Variants in BMP2K observed in about 807,000 individuals in gnomAD.
BMP2K encodes the protein BMP2 inducible kinase.
A neutral mutation model predicts 116.0 loss-of-function variants in BMP2K; 74 were observed. The ratio of observed to expected loss-of-function variants is 0.64; its 90% CI spans 0.53 to 0.77. BMP2K has a LOEUF of 0.77. Among genes scored for constraint, BMP2K ranks in the 30% least tolerant of loss-of-function variants. The pLI is 0.00. For synonymous variants in BMP2K, 486 were observed against 502.5 expected (o/e 0.97, Z 0.44); for missense variants, 1,365 against 1,403.6 (o/e 0.97, Z 0.44).
intron 7 of BMP2K, 115 bp downstream of exon 7, chr4:78,851,171 C>A: frequency 4.5e-6 from 5 of 1,101,100 alleles, no homozygotes; most frequent in Middle Eastern, 3.1e-4. Context: ...TTTTGTGAAA[C>A]TATAGTAAAG....
intron 7 of BMP2K, among the ~76,000 whole-genome samples, chr4:78,853,878 C>T (rs1731375028): frequency 6.6e-6 from 1 of 152,114 alleles, no homozygotes; most frequent in Non-Finnish European, 1.5e-5. Flanking sequence ...AGTACTACAA[C>T]TACTCTTGAT....
At chr4:78,796,740 G>A (rs35741786) in intron 1 of BMP2K, among the ~76,000 whole-genome samples, 9,823 of 152,174 alleles carry the variant, frequency 0.065, 439 homozygotes, top group East Asian at 0.22. Flanking sequence ...GTTGTGTAAC[G>A]GATGATTGTG....
chr4:78,869,067 C>T (rs1434022770), intron 10 of BMP2K, among the ~76,000 whole-genome samples: 1 of 152,178 alleles, frequency 6.6e-6, no homozygotes, highest in Non-Finnish European at 1.5e-5. Flanking sequence ...TTCTGCACTG[C>T]CCTAGCAGAG....
chr4:78,820,286 G>A (rs1353051201), intron 1 of BMP2K, among the ~76,000 whole-genome samples: 1 of 152,208 alleles, frequency 6.6e-6, no homozygotes, highest in Non-Finnish European at 1.5e-5. Context: ...CTATAGGGCT[G>A]AAGCCATTCT....
At chr4:78,837,352 A>G (rs187002315) in intron 3 of BMP2K, among the ~76,000 whole-genome samples, 1 of 151,662 alleles carries the variant, frequency 6.6e-6, no homozygotes, top group East Asian at 2.0e-4. Context: ...GCACCACCAC[A>G]TCTGACTAAT....
intron 15 of BMP2K, among the ~76,000 whole-genome samples, chr4:78,887,794 G>T (rs1056683442): frequency 1.3e-5 from 2 of 152,082 alleles, no homozygotes; most frequent in South Asian, 4.1e-4. Flanking sequence ...GTTAACACTT[G>T]GAAGATACTA....
At chr4:78,894,662 C>T (rs1214964289) in intron 15 of BMP2K, among the ~76,000 whole-genome samples, 2 of 152,162 alleles carry the variant, frequency 1.3e-5, no homozygotes, top group African/African-American at 4.8e-5. Context: ...CCTTTCTTAC[C>T]GTTCATCACT....
chr4:78,886,882 A>T (rs1264048365), intron 14 of BMP2K, among the ~76,000 whole-genome samples: 1 of 152,194 alleles, frequency 6.6e-6, no homozygotes, highest in Non-Finnish European at 1.5e-5. Flanking sequence ...TTCAGGCCCA[A>T]AAGTTGAGGA....
At chr4:78,902,393 C>A (rs552257238) in intron 15 of BMP2K, among the ~76,000 whole-genome samples, 1 of 152,018 alleles carries the variant, frequency 6.6e-6, no homozygotes, top group South Asian at 2.1e-4. Flanking sequence ...GGATTCTCTT[C>A]TTATACTCAA....
chr4:78,874,138 A>G (rs1185875676), intron 13 of BMP2K, among the ~76,000 whole-genome samples: 1 of 151,860 alleles, frequency 6.6e-6, no homozygotes, highest in African/African-American at 2.4e-5. Context: ...AGATCATGCC[A>G]CTGCACTCCA....
chr4:78,797,907 C>T (rs1728375379), intron 1 of BMP2K, among the ~76,000 whole-genome samples: 1 of 152,104 alleles, frequency 6.6e-6, no homozygotes, highest in Non-Finnish European at 1.5e-5. Flanking sequence ...TCTGCAGCCT[C>T]AAACTCCTGG....
At position 78,842,491 on chromosome 4, in the gene BMP2K, T is replaced by C. The variant is rs761494250; in HGVS notation, c.510T>C (p.His170=). 23 of 1,607,204 alleles carry C rather than the reference T, an allele frequency of 1.4e-5. No homozygotes were observed. In the Admixed American group the frequency reaches 3.8e-4, roughly 27 times the overall value. The change falls in exon 4 of 16, where the codon CAT becomes CAC. Residue 170 remains histidine, a synonymous_variant. Coordinates refer to ENST00000502613, the MANE Select transcript of BMP2K (RefSeq NM_198892.2). ...CCTGTGAAGCTGTTGCAAGGTTGCA[T>C]CAGTGTAAGACTCCAATAATTCACC... ...CDTCEAVARL[H]QCKTPIIHRD...
chr4:78,829,787 T>TTTCTCTTTTCTCTTTTCTCTTCTCTTCTC (rs779356800), intron 2 of BMP2K, among the ~76,000 whole-genome samples: 4 of 86,594 alleles, frequency 4.6e-5, no homozygotes, highest in Admixed American at 1.4e-4. Context: ...TTTCTTTTCT[T>TTTCTCTTTTCTCTTTTCTCTTCTCTTCTC]TTCTCTTCTC....
chr4:78,840,847 A>T (rs1173215678), intron 3 of BMP2K, among the ~76,000 whole-genome samples: 1 of 152,188 alleles, frequency 6.6e-6, no homozygotes, highest in Admixed American at 6.5e-5. Context: ...TAACATTAAA[A>T]GTTTGGAAGA....
rs1353020438 is a variant in BMP2K, at chr4:78,842,372, CT to C, written c.404-7del. ...TTAAAAATATGTCCTCTCAAAATTA[CT>C]TTTTTGGTTAGCTGGACAGGTAGTG... is the stretch of plus-strand genomic sequence containing the variant. On this transcript the variant is annotated splice_polypyrimidine_tract_variant and intron_variant, in intron 3 of 15. Transcript: ENST00000502613. 5.1e-6 allele frequency: 8 copies of C among 1,570,828 alleles called. No individual in the cohort carries two copies. In the Admixed American group the frequency reaches 5.2e-5, roughly 10 times the overall value.
intron 15 of BMP2K, among the ~76,000 whole-genome samples, chr4:78,894,960 C>CG (rs774717244): frequency 1.7e-4 from 26 of 152,230 alleles, no homozygotes; most frequent in Non-Finnish European, 3.4e-4. Context: ...AACAGCTGGT[C>CG]GGTAGATCAG....
In BMP2K at chr4:78,870,955, ACAGCAACAGCAGCAG is replaced by A. The variant is rs748786542; in HGVS notation, c.1416_1430del (p.Gln482_Gln486del). The A allele has an allele frequency of 6.2e-7, 1 of 1,604,892 alleles. No homozygotes were observed. ...AGCAGCAGCAGCAGCAGCAGCAGCA[ACAGCAACAGCAGCAG>A]CAGCAACAGCAACAGCAGCAGCAGC... is the stretch of plus-strand genomic sequence containing the variant. On this transcript the variant is annotated inframe_deletion, in exon 11 of 16. Coordinates refer to ENST00000502613, the MANE Select transcript of BMP2K (RefSeq NM_198892.2).
At chr4:78,788,916 A>C (rs1046765635) in intron 1 of BMP2K, among the ~76,000 whole-genome samples, 11 of 111,080 alleles carry the variant, frequency 9.9e-5, no homozygotes, top group Non-Finnish European at 1.4e-4. Flanking sequence ...TTTTTTTTTT[A>C]AATACACTAA....
intron 1 of BMP2K, among the ~76,000 whole-genome samples, chr4:78,816,179 C>CT (rs1286779815): frequency 6.6e-6 from 1 of 151,984 alleles, no homozygotes; most frequent in African/African-American, 2.4e-5. Context: ...GAAGTTAAAC[C>CT]TTAAGGTTTT....
Sources: gnomAD v4.1 joint callset for allele counts (sites outside exome capture counted in the v4.1 genomes callset) on GRCh38, gnomAD v4.1.1 for gene constraint, MANE v1.5 for transcripts, NCBI Gene and HGNC (gene_info 2026-07-23, HGNC 2026-07-21) for gene names.